CDH18: variants seen among roughly 807,000 people sequenced by gnomAD.
CDH18 encodes the protein cadherin-18.
In CDH18, 31 loss-of-function variants were observed where a neutral mutation model predicts 67.9. The observed-to-expected ratio is 0.46, with a 90% CI of 0.34 to 0.62. The LOEUF is 0.62. Ranked by LOEUF, CDH18 falls within the 20% of genes least tolerant of loss-of-function variation. The pLI, the probability that CDH18 is intolerant of heterozygous loss-of-function variation, is 0.01. For synonymous variants in CDH18, 362 were observed against 347.2 expected (o/e 1.04, Z -0.48); for missense variants, 890 against 975.5 (o/e 0.91, Z 1.17).
intron 2 of CDH18, among the ~76,000 whole-genome samples, chr5:20,104,086 A>C (rs772061097): frequency 6.6e-6 from 1 of 150,520 alleles, no homozygotes; most frequent in Non-Finnish European, 1.5e-5. Flanking sequence ...ATAGATGATT[A>C]TATATATAGC....
At chr5:19,936,836 T>C (rs1009332468) in intron 2 of CDH18, among the ~76,000 whole-genome samples, 18 of 151,112 alleles carry the variant, frequency 1.2e-4, no homozygotes, top group Non-Finnish European at 1.6e-4. Context: ...AAATAAAATA[T>C]AGAAACTGAC....
intron 5 of CDH18, among the ~76,000 whole-genome samples, chr5:19,658,204 C>T (rs1360513881): frequency 2.6e-5 from 4 of 151,920 alleles, no homozygotes; most frequent in African/African-American, 9.6e-5. Flanking sequence ...AGATATTATC[C>T]TTTTTATATG....
chr5:19,634,414 G>T (rs993352881), intron 5 of CDH18, among the ~76,000 whole-genome samples: 1 of 152,098 alleles, frequency 6.6e-6, no homozygotes, highest in African/African-American at 2.4e-5. Context: ...ACTTCCCTAC[G>T]ACTCAATTTC....
chr5:19,611,462 G>A (rs1197275797), intron 6 of CDH18, among the ~76,000 whole-genome samples: 2 of 152,176 alleles, frequency 1.3e-5, no homozygotes, highest in African/African-American at 2.4e-5. Context: ...AAAAATTTTA[G>A]TTGAAGTAAG....
chr5:20,156,041 C>T (rs769376312), intron 2 of CDH18, among the ~76,000 whole-genome samples: 4 of 152,118 alleles, frequency 2.6e-5, no homozygotes, highest in Admixed American at 1.3e-4. Context: ...GATACCACCT[C>T]ACCCCTGTCA....
intron 2 of CDH18, among the ~76,000 whole-genome samples, chr5:20,237,293 A>G (rs1742549257): frequency 1.3e-5 from 2 of 151,946 alleles, no homozygotes; most frequent in African/African-American, 2.4e-5. Context: ...GCTCTCATTA[A>G]TTCATTCAAT....
At chr5:20,203,931 C>A (rs1444228270) in intron 2 of CDH18, among the ~76,000 whole-genome samples, 3 of 151,470 alleles carry the variant, frequency 2.0e-5, no homozygotes, top group African/African-American at 7.3e-5. Flanking sequence ...CAAAGACAGG[C>A]TATTTGAAAA....
intron 5 of CDH18, among the ~76,000 whole-genome samples, chr5:19,626,890 G>C (rs1561496586): frequency 6.6e-6 from 1 of 151,918 alleles, no homozygotes; most frequent in Admixed American, 6.6e-5. Context: ...TTCGAGAGCT[G>C]GCTCATAGAT....
chr5:20,194,294 A>C (rs1363275287), intron 2 of CDH18, among the ~76,000 whole-genome samples: 1 of 152,094 alleles, frequency 6.6e-6, no homozygotes, highest in Non-Finnish European at 1.5e-5. Context: ...ATGTGCAAAA[A>C]TCAGAAGTAT....
chr5:20,107,732 G>C (rs1747087268), intron 2 of CDH18, among the ~76,000 whole-genome samples: 1 of 151,586 alleles, frequency 6.6e-6, no homozygotes, highest in African/African-American at 2.4e-5. Context: ...CTGTGCTTCT[G>C]CATTCCCAGT....
intron 1 of CDH18, among the ~76,000 whole-genome samples, chr5:20,290,651 T>A (rs772133511): frequency 6.6e-6 from 1 of 152,128 alleles, no homozygotes; most frequent in Non-Finnish European, 1.5e-5. Flanking sequence ...TACGATATGA[T>A]CCAGTGAAAA....
chr5:20,546,604 C>T (rs1243853071), intron 1 of CDH18, among the ~76,000 whole-genome samples: 2 of 152,042 alleles, frequency 1.3e-5, no homozygotes, highest in Non-Finnish European at 2.9e-5. Context: ...CGATAACTCA[C>T]TCACTATCAC....
At chr5:20,042,170 TG>T (rs1482438736) in intron 2 of CDH18, among the ~76,000 whole-genome samples, 5 of 152,180 alleles carry the variant, frequency 3.3e-5, no homozygotes, top group Non-Finnish European at 5.9e-5. Context: ...TCATGCAAGA[TG>T]AGGAGTAGCC....
intron 1 of CDH18, among the ~76,000 whole-genome samples, chr5:20,360,534 A>G (rs1357117842): frequency 1.3e-5 from 2 of 152,184 alleles, no homozygotes; most frequent in Non-Finnish European, 2.9e-5. Context: ...CCAAATGGCA[A>G]CATTTTAAAT....
At chr5:19,747,278 C>A (rs1770151353) in intron 3 of CDH18, 42 bp from the exon 4 acceptor site, 3 of 1,507,596 alleles carry the variant, frequency 2.0e-6, no homozygotes, top group South Asian at 2.4e-5. Flanking sequence ...TATTTATATT[C>A]CAACCTCACA....
intron 2 of CDH18, among the ~76,000 whole-genome samples, chr5:20,170,147 T>C (rs564240435): frequency 1.3e-5 from 2 of 152,222 alleles, no homozygotes; most frequent in South Asian, 2.1e-4. Context: ...CCCTCATGCA[T>C]TGGCTGTTTG....
At chr5:20,268,093 T>G (rs1745174233) in intron 1 of CDH18, among the ~76,000 whole-genome samples, 1 of 152,228 alleles carries the variant, frequency 6.6e-6, no homozygotes, top group South Asian at 2.1e-4. Flanking sequence ...GATAATTGCC[T>G]CCAGTTGCAC....
intron 1 of CDH18, among the ~76,000 whole-genome samples, chr5:20,439,922 G>T (rs1424629129): frequency 1.3e-5 from 2 of 151,580 alleles, no homozygotes; most frequent in South Asian, 2.1e-4. Context: ...AAGGTAAAAA[G>T]AATAGAATTG....
intron 2 of CDH18, among the ~76,000 whole-genome samples, chr5:19,954,307 T>C (rs1045882954): frequency 4.6e-5 from 7 of 152,084 alleles, no homozygotes; most frequent in Non-Finnish European, 7.4e-5. Flanking sequence ...CTGTTTTTCT[T>C]TGGTTTAATT....
Sources: allele counts gnomAD v4.1 joint callset (sites outside exome capture counted in the v4.1 genomes callset), GRCh38; gene constraint gnomAD v4.1.1; transcripts MANE v1.5; gene names NCBI Gene and HGNC (gene_info 2026-07-23, HGNC 2026-07-21).